HEATR4: variants seen among roughly 807,000 people sequenced by gnomAD.
The protein encoded by HEATR4 is HEAT repeat containing 4, also known as HEAT repeat-containing protein 4.
In HEATR4, 95 loss-of-function variants were observed where a neutral mutation model predicts 108.8. That is an observed-to-expected ratio of 0.87 (90% confidence interval 0.74 to 1.04). The LOEUF (loss-of-function observed/expected upper bound fraction) is 1.04, where lower values mean the gene tolerates loss of function less well. Among genes scored for constraint, HEATR4 ranks in the 50% least tolerant of loss-of-function variants. The probability of loss-of-function intolerance (pLI) is 0.00; values close to 1 mark genes in which losing one functional copy is unlikely to be tolerated. For synonymous variants in HEATR4, 443 were observed against 459.4 expected, an observed-to-expected ratio of 0.96 and a Z score of 0.46; for missense variants, 1,152 against 1,253.8, an observed-to-expected ratio of 0.92 and a Z score of 1.23.
the HEATR4 span, among the ~76,000 whole-genome samples, chr14:73,565,731 G>A: frequency 0.012 from 1,808 of 152,006 alleles, 36 homozygotes; most frequent in African/African-American, 0.042. Context: ...TCATGGTCTC[G>A]CTGGCTTCAG....
the HEATR4 span, chr14:73,573,388 A>C: frequency 6.2e-7 from 1 of 1,613,566 alleles, no homozygotes; most frequent in Non-Finnish European, 8.5e-7. Context: ...TCTTCCCAAG[A>C]ACCTGGGCCC....
chr14:73,495,258 G>T lies in HEATR4; in HGVS notation c.2755C>A (p.Leu919Ile), dbSNP rs775482630. The T allele has an allele frequency of 6.2e-7, 1 of 1,613,940 alleles. No homozygotes were observed. The highest frequency in any genetic ancestry group is 8.5e-7 in the Non-Finnish European group (1 of 1,180,018). The change falls in exon 16 of 18, where the codon CTC becomes ATC. Residue 919 changes from leucine (L) to isoleucine (I), a missense_variant. Coordinates refer to ENST00000553558, the MANE Select transcript of HEATR4 (RefSeq NM_001220484.1). ...AAAGTTTCTTGGAGTAAAGTCTGGA[G>T]TGTTAGTGGTCCTTGTTCTCCTTTG... ...KPKGEQGPLT[L>I]QTLLQETFQD...
chr14:73,503,053 A>T, intron 10 of HEATR4, 40 bp from the exon 11 acceptor site: 1 of 1,477,224 alleles, frequency 6.8e-7, no homozygotes, highest in Non-Finnish European at 9.4e-7. Flanking sequence ...TCACTTAATG[A>T]ATGTTAATTT....
At chr14:73,524,362 T>C (rs1888200981) in intron 2 of HEATR4, among the ~76,000 whole-genome samples, 1 of 142,586 alleles carries the variant, frequency 7.0e-6, no homozygotes, top group South Asian at 2.2e-4. Context: ...TTTTATCAAA[T>C]AGGTAAATGG....
At chr14:73,569,462 C>G in the HEATR4 span, 2 of 1,613,488 alleles carry the variant, frequency 1.2e-6, no homozygotes, top group Non-Finnish European at 1.7e-6. Flanking sequence ...CTGCGGGCCG[C>G]TGCTGCTGGG....
chr14:73,625,359 A>G, the HEATR4 span, among the ~76,000 whole-genome samples: 1 of 140,974 alleles, frequency 7.1e-6, no homozygotes, highest in Non-Finnish European at 1.5e-5. Flanking sequence ...CGCCCAGCCT[A>G]TTTTATTTAT....
the HEATR4 span, among the ~76,000 whole-genome samples, chr14:73,565,714 G>A: frequency 3.3e-5 from 5 of 151,992 alleles, no homozygotes; most frequent in South Asian, 2.1e-4. Flanking sequence ...CGTTTTTCCC[G>A]GTGAGTTCAT....
At chr14:73,618,911 A>G in the HEATR4 span, among the ~76,000 whole-genome samples, 1 of 152,202 alleles carries the variant, frequency 6.6e-6, no homozygotes, top group Non-Finnish European at 1.5e-5. Context: ...CAGGCGGATC[A>G]CTTGAGGTCA....
chr14:73,554,425 T>C (rs1353675187), intron 1 of HEATR4, among the ~76,000 whole-genome samples: 1 of 116,070 alleles, frequency 8.6e-6, no homozygotes, highest in Non-Finnish European at 1.9e-5. Flanking sequence ...CAAAGTTCGT[T>C]TAAAAAATAT....
At chr14:73,509,191 A>C (rs1887045152) in intron 8 of HEATR4, 121 bp downstream of exon 8, 2 of 1,003,580 alleles carry the variant, frequency 2.0e-6, no homozygotes, top group African/African-American at 3.2e-5. Flanking sequence ...GTCTAACATA[A>C]ATCTAAACCC....
the HEATR4 span, among the ~76,000 whole-genome samples, chr14:73,588,301 A>C: frequency 6.6e-6 from 1 of 151,934 alleles, no homozygotes; most frequent in African/African-American, 2.4e-5. Context: ...AGCCCGGCCT[A>C]TCTCTCTAAA....
chr14:73,511,825 A>T (rs2140280973), intron 7 of HEATR4, among the ~76,000 whole-genome samples, 181 bp downstream of exon 7: 1 of 152,348 alleles, frequency 6.6e-6, no homozygotes, highest in South Asian at 2.1e-4. Context: ...ACTGGACTAG[A>T]AGTCTGGAAT....
the HEATR4 span, among the ~76,000 whole-genome samples, chr14:73,630,681 C>T: frequency 1.3e-5 from 2 of 152,200 alleles, no homozygotes; most frequent in Non-Finnish European, 2.9e-5. Context: ...CATTTGTTTA[C>T]AGCCAATTTT....
chr14:73,506,804 G>GTTTTTTTTTGTTTTT (rs1886866522), intron 9 of HEATR4, among the ~76,000 whole-genome samples: 1 of 80,522 alleles, frequency 1.2e-5, no homozygotes, highest in African/African-American at 4.9e-5. Flanking sequence ...GACTTTAACT[G>GTTTTTTTTTGTTTTT]TTTTTTTTTT....
intron 2 of HEATR4, among the ~76,000 whole-genome samples, chr14:73,524,310 AAT>A (rs58047390): frequency 0.073 from 3,976 of 54,466 alleles, 174 homozygotes; most frequent in Non-Finnish European, 0.095. Context: ...AAAAAAAAAA[AAT>A]ATATATATAT....
Position 73,492,737 on chromosome 14 carries a change from T to C in HEATR4, c.2844+329A>G, listed in dbSNP as rs754132267. 8.7e-6 allele frequency: 14 copies of C among 1,613,924 alleles called. No homozygotes were observed. In the East Asian group the frequency reaches 2.9e-4, roughly 33 times the overall value. ...GTTTCTCTATTACACAGTGGAAAAC[T>C]CCCGTGTGTATCATCTGGAAGAACC... is the stretch of plus-strand genomic sequence containing the variant. On this transcript the variant is annotated intron_variant, in intron 17 of 17. Coordinates refer to ENST00000553558, the MANE Select transcript of HEATR4 (RefSeq NM_001220484.1). The surrounding 1 kb of genome is among the most constrained non-coding windows in gnomAD (Gnocchi z 4.9).
At chr14:73,632,520 G>A in the HEATR4 span, among the ~76,000 whole-genome samples, 1 of 151,972 alleles carries the variant, frequency 6.6e-6, no homozygotes, top group Non-Finnish European at 1.5e-5. Flanking sequence ...GTGGGTTCAA[G>A]GCCTTTTCTC....
intron 17 of HEATR4, among the ~76,000 whole-genome samples, chr14:73,486,884 T>A (rs1885471937): frequency 6.6e-6 from 1 of 152,198 alleles, no homozygotes; most frequent in African/African-American, 2.4e-5. Context: ...TAAATCATAC[T>A]ATGTACACTT....
the HEATR4 span, among the ~76,000 whole-genome samples, chr14:73,616,323 T>C: frequency 1.1e-3 from 168 of 151,932 alleles, 2 homozygotes; most frequent in East Asian, 0.032. Context: ...ATATTATTAT[T>C]ATTATTATTT....
Sources: gnomAD v4.1 joint callset for allele counts (sites outside exome capture counted in the v4.1 genomes callset) on GRCh38, gnomAD v4.1.1 for gene constraint, Gnocchi (gnomAD v3.1) non-coding constraint, MANE v1.5 for transcripts, NCBI Gene and HGNC (gene_info 2026-07-23, HGNC 2026-07-21) for gene names.